DIS3L2: variants seen among roughly 807,000 people sequenced by gnomAD.
The protein encoded by DIS3L2 is DIS3-like exonuclease 2.
Under a neutral mutation model 97.5 loss-of-function variants are expected in DIS3L2, and 34 were observed. The observed-to-expected ratio is 0.35, with a 90% CI of 0.27 to 0.46. The LOEUF is 0.46. DIS3L2 is among the 20% of genes least tolerant of loss of function. The pLI is 1.00. For missense variants in DIS3L2, 1,038 were observed against 1,146.0 expected, an observed-to-expected ratio of 0.91 and a Z score of 1.36; for synonymous variants, 435 against 445.2, an observed-to-expected ratio of 0.98 and a Z score of 0.29.
intron 9 of DIS3L2, among the ~76,000 whole-genome samples, chr2:232,166,427 TA>T (rs1240597477): frequency 2.0e-5 from 3 of 152,180 alleles, no homozygotes; most frequent in Non-Finnish European, 4.4e-5. Context: ...AAGGATTTTT[TA>T]AAAAATTACT....
In DIS3L2 at chr2:232,121,012, T is replaced by C. The variant is rs183624660; in HGVS notation, c.602-9607T>C. ...CCTCCCTTATCTTAAAAAAATAAAA[T>C]ATTAAAAGCCATGTCATGATTTCTG... On this transcript the variant is annotated intron_variant, in intron 6 of 20. Coordinates refer to ENST00000325385, the MANE Select transcript of DIS3L2 (RefSeq NM_152383.5). Among the ~76,000 whole-genome samples the C allele has an allele frequency of 5.5e-3, 841 of 152,166 alleles. 9 individuals are homozygous for C. The highest frequency in any genetic ancestry group is 7.4e-3 in the Non-Finnish European group (501 of 67,986).
intron 5 of DIS3L2, among the ~76,000 whole-genome samples, chr2:232,051,811 C>CAAAAAAAAAA (rs58851349): frequency 1.1e-4 from 4 of 37,062 alleles, no homozygotes; most frequent in Non-Finnish European, 1.9e-4. Flanking sequence ...GACTCCGTCT[C>CAAAAAAAAAA]AAAAAAAAAA....
chr2:232,121,418 A>G (rs1394774591), intron 6 of DIS3L2, among the ~76,000 whole-genome samples: 1 of 152,130 alleles, frequency 6.6e-6, no homozygotes, highest in Non-Finnish European at 1.5e-5. Flanking sequence ...ATTCTGAACA[A>G]TCTCCCAGGG....
At chr2:232,341,671 A>G (rs1696103613), downstream of DIS3L2, among the ~76,000 whole-genome samples, 1 of 152,236 alleles carries the variant, frequency 6.6e-6, no homozygotes, top group Non-Finnish European at 1.5e-5. Flanking sequence ...CTCAGTGGGA[A>G]GCTGTGGCTT....
intron 5 of DIS3L2, among the ~76,000 whole-genome samples, chr2:232,047,396 A>G (rs1441361953): frequency 6.6e-6 from 1 of 152,212 alleles, no homozygotes; most frequent in Non-Finnish European, 1.5e-5. Context: ...AAATGACTAT[A>G]TTTGAGGTTT....
chr2:232,152,390 G>A (rs1690364449), intron 8 of DIS3L2, among the ~76,000 whole-genome samples: 1 of 13,194 alleles, frequency 7.6e-5, no homozygotes, highest in African/African-American at 1.3e-4. Context: ...AGAGATTCTG[G>A]TATGTTGTGT....
intron 9 of DIS3L2, among the ~76,000 whole-genome samples, chr2:232,176,905 C>A (rs1414250579): frequency 6.7e-6 from 1 of 148,454 alleles, no homozygotes; most frequent in Non-Finnish European, 1.5e-5. Flanking sequence ...GCTGCACCCA[C>A]TAACTCGTCA....
intron 5 of DIS3L2, among the ~76,000 whole-genome samples, chr2:232,057,758 A>ATTTT (rs1695589111): frequency 6.6e-6 from 1 of 152,090 alleles, no homozygotes; most frequent in Non-Finnish European, 1.5e-5. Context: ...AAGATAATAA[A>ATTTT]TGTGTCTTGT....
rs556433408 is a variant in DIS3L2, at chr2:232,144,364, G to A, written c.950+7645G>A. ...CAGGTGGGTAAAAATAGTGATAATC[G>A]TTGGGTGATTTTTGTTATTTTTTTC... is the stretch of plus-strand genomic sequence containing the variant. On this transcript the variant is annotated intron_variant, in intron 8 of 20. Transcript: ENST00000325385. Among the ~76,000 whole-genome samples, 342 of 152,112 alleles carry A rather than the reference G, an allele frequency of 2.2e-3. 2 individuals carry two copies. The highest frequency in any genetic ancestry group is 8.0e-3 in the African/African-American group (333 of 41,522).
chr2:232,238,708 G>C, intron 11 of DIS3L2, 63 bp downstream of exon 11: 1 of 1,407,390 alleles, frequency 7.1e-7, no homozygotes, highest in East Asian at 2.4e-5. Context: ...CCCTGGAAGA[G>C]TGTGTGCTCT....
Position 232,143,279 on chromosome 2 carries a change from C to A in DIS3L2, c.950+6560C>A, listed in dbSNP as rs114968475. Among the ~76,000 whole-genome samples the A allele has an allele frequency of 3.4e-3, 516 of 152,164 alleles. 5 individuals are homozygous for A. The highest frequency in any genetic ancestry group is 0.011 in the African/African-American group (470 of 41,530). ...TAGAATGTTTATATGTTTCCCAAGGCCCCCACCTATCATATGTAGGAAGTT... is the reference window on the plus strand; with the variant it reads ...TAGAATGTTTATATGTTTCCCAAGGACCCCACCTATCATATGTAGGAAGTT... On this transcript the variant is annotated intron_variant, in intron 8 of 20. Transcript: ENST00000325385.
intron 10 of DIS3L2, among the ~76,000 whole-genome samples, chr2:232,211,915 C>T (rs907883389): frequency 3.3e-5 from 5 of 152,228 alleles, no homozygotes; most frequent in Admixed American, 1.3e-4. Flanking sequence ...GGCTGGAATG[C>T]AGTGGCTCAT....
At chr2:231,983,902 A>G (rs976162413) in intron 1 of DIS3L2, among the ~76,000 whole-genome samples, 1 of 151,826 alleles carries the variant, frequency 6.6e-6, no homozygotes, top group Non-Finnish European at 1.5e-5. Context: ...AAAAAAAAAA[A>G]AGAAAAGAAT....
intron 13 of DIS3L2, among the ~76,000 whole-genome samples, chr2:232,285,383 C>G (rs1694399179): frequency 6.6e-6 from 1 of 152,260 alleles, no homozygotes; most frequent in South Asian, 2.1e-4. Flanking sequence ...TCCCCTTCCT[C>G]CAGTCCAGCC....
intron 9 of DIS3L2, among the ~76,000 whole-genome samples, chr2:232,182,610 G>A (rs1025287509): frequency 6.6e-6 from 1 of 152,070 alleles, no homozygotes; most frequent in Admixed American, 6.6e-5. Flanking sequence ...TTAGATGCAT[G>A]TGTGTTTATA....
intron 14 of DIS3L2, among the ~76,000 whole-genome samples, chr2:232,309,224 C>CG (rs981836975): frequency 1.3e-3 from 124 of 93,816 alleles, no homozygotes; most frequent in African/African-American, 7.8e-3. Context: ...CCTTTGCCCA[C>CG]TAGGTAGTGA....
At chr2:232,343,549 G>A (rs1251324454) in exon 14 of DIS3L2, 8 of 1,568,494 alleles carry the variant, frequency 5.1e-6, no homozygotes, top group Non-Finnish European at 6.1e-6. Context: ...AAGAGTAGAG[G>A]AGCAGACAAC....
At chr2:232,192,914 C>T (rs541187274) in intron 9 of DIS3L2, among the ~76,000 whole-genome samples, 3 of 152,292 alleles carry the variant, frequency 2.0e-5, no homozygotes, top group Non-Finnish European at 2.9e-5. Flanking sequence ...AGGCAAGAAA[C>T]CCAGAAAGAC....
At chr2:232,284,088 C>T (rs535765236) in intron 13 of DIS3L2, among the ~76,000 whole-genome samples, 28 of 151,934 alleles carry the variant, frequency 1.8e-4, no homozygotes, top group Non-Finnish European at 3.4e-4. Context: ...CCTCTGTGTG[C>T]AACACCAGCA....
Sources: gnomAD v4.1 joint callset for allele counts (sites outside exome capture counted in the v4.1 genomes callset) on GRCh38, gnomAD v4.1.1 for gene constraint, MANE v1.5 for transcripts, NCBI Gene and HGNC (gene_info 2026-07-23, HGNC 2026-07-21) for gene names.